HS3ST2: variants seen among roughly 807,000 people sequenced by gnomAD.
The protein encoded by HS3ST2 is heparan sulfate-glucosamine 3-sulfotransferase 2.
HS3ST2 carries 17 observed loss-of-function variants against 26.3 expected under a neutral mutation model. The observed-to-expected ratio is 0.65, with a 90% CI of 0.44 to 0.97. The LOEUF (loss-of-function observed/expected upper bound fraction) is 0.97, where lower values mean the gene tolerates loss of function less well. Among genes scored for constraint, HS3ST2 ranks in the 50% least tolerant of loss-of-function variants. HS3ST2 has a pLI of 0.00. For missense variants in HS3ST2, 402 were observed against 501.2 expected (o/e 0.80, Z 1.89); for synonymous variants, 237 against 219.2 (o/e 1.08, Z -0.72).
intron 1 of HS3ST2, among the ~76,000 whole-genome samples, chr16:22,830,609 A>T (rs917097132): frequency 4.6e-5 from 7 of 152,152 alleles, no homozygotes; most frequent in Admixed American, 4.6e-4. Flanking sequence ...GTTTGTTGGG[A>T]TTGGTTCTAA....
intron 1 of HS3ST2, among the ~76,000 whole-genome samples, chr16:22,859,728 A>G (rs1454785642): frequency 2.6e-5 from 4 of 152,222 alleles, no homozygotes; most frequent in Admixed American, 2.0e-4. Flanking sequence ...TTTATAGCTG[A>G]GTGAAACCTA....
At chr16:22,843,792 T>G (rs1260125092) in intron 1 of HS3ST2, among the ~76,000 whole-genome samples, 2 of 152,186 alleles carry the variant, frequency 1.3e-5, no homozygotes, top group Non-Finnish European at 2.9e-5. Context: ...GATGTCAGCA[T>G]TCCTTTCTCC....
chr16:22,856,705 A>G (rs1383820418), intron 1 of HS3ST2, among the ~76,000 whole-genome samples: 1 of 152,122 alleles, frequency 6.6e-6, no homozygotes, highest in Non-Finnish European at 1.5e-5. Flanking sequence ...GCTTCCATTC[A>G]GTAGCTGATG....
chr16:22,864,925 C>A (rs968803011), intron 1 of HS3ST2, among the ~76,000 whole-genome samples: 1 of 143,710 alleles, frequency 7.0e-6, no homozygotes, highest in African/African-American at 2.7e-5. Flanking sequence ...GTGGTACACA[C>A]CTGTAGTCCC....
chr16:22,912,747 A>T (rs962200815), intron 1 of HS3ST2, among the ~76,000 whole-genome samples: 1 of 152,118 alleles, frequency 6.6e-6, no homozygotes, highest in African/African-American at 2.4e-5. Context: ...TTACCACCCT[A>T]CAAAAAGGGT....
At chr16:22,889,387 C>A (rs1225550449) in intron 1 of HS3ST2, among the ~76,000 whole-genome samples, 2 of 152,146 alleles carry the variant, frequency 1.3e-5, no homozygotes, top group Non-Finnish European at 2.9e-5. Flanking sequence ...TTCACTGAAG[C>A]CTCACAAAAG....
At chr16:22,900,044 AC>A (rs1316655020) in intron 1 of HS3ST2, among the ~76,000 whole-genome samples, 1 of 152,144 alleles carries the variant, frequency 6.6e-6, no homozygotes, top group African/African-American at 2.4e-5. Flanking sequence ...TGCTCCTGGC[AC>A]CCAGTGTTGC....
At chr16:22,821,550 C>T (rs546941070) in intron 1 of HS3ST2, among the ~76,000 whole-genome samples, 67 of 152,024 alleles carry the variant, frequency 4.4e-4, no homozygotes, top group African/African-American at 1.5e-3. Context: ...GGAAGTGGGG[C>T]TTTGCGGGGT....
chr16:22,865,329 C>T (rs1901736123), intron 1 of HS3ST2, among the ~76,000 whole-genome samples: 1 of 151,868 alleles, frequency 6.6e-6, no homozygotes, highest in South Asian at 2.1e-4. Flanking sequence ...CCGAGGAGGG[C>T]AGATCATGAG....
chr16:22,911,770 G>A (rs1003813414), intron 1 of HS3ST2, among the ~76,000 whole-genome samples: 3 of 152,162 alleles, frequency 2.0e-5, no homozygotes, highest in African/African-American at 7.2e-5. Flanking sequence ...GATCTCATAT[G>A]CAAGTCCTTA....
Position 22,836,801 on chromosome 16 carries a change from G to A in HS3ST2, c.485+21706G>A, listed in dbSNP as rs138286150. Among the ~76,000 whole-genome samples, 246 of 151,980 alleles carry A rather than the reference G, an allele frequency of 1.6e-3. 1 individual carries two copies. The highest frequency in any genetic ancestry group is 6.8e-3 in the Middle Eastern group (2 of 294). On this transcript the variant is annotated intron_variant, in intron 1 of 1. Transcript: ENST00000261374. Reference sequence around the variant, plus strand: ...TGGGATCACAGGCATGCATCACCACGCCTGGCTAAATTTTTTTTGTTATTT... The same window carrying A: ...TGGGATCACAGGCATGCATCACCACACCTGGCTAAATTTTTTTTGTTATTT...
chr16:22,856,833 T>A (rs890736189), intron 1 of HS3ST2, among the ~76,000 whole-genome samples: 1 of 152,216 alleles, frequency 6.6e-6, no homozygotes, highest in Non-Finnish European at 1.5e-5. Context: ...GCATGTCACA[T>A]CACTTCTCTG....
intron 1 of HS3ST2, among the ~76,000 whole-genome samples, chr16:22,855,696 G>GTC (rs3078722): frequency 0.045 from 6,429 of 142,798 alleles, 230 homozygotes; most frequent in African/African-American, 0.098. Flanking sequence ...CTGTCTCTCT[G>GTC]TCTCTCTCTC....
intron 1 of HS3ST2, among the ~76,000 whole-genome samples, chr16:22,849,823 C>T (rs151282489): frequency 4.9e-4 from 75 of 152,294 alleles, no homozygotes; most frequent in Admixed American, 8.5e-4. Flanking sequence ...CTCACAGCAC[C>T]TAATTCAGCC....
intron 1 of HS3ST2, among the ~76,000 whole-genome samples, chr16:22,878,719 T>C (rs991997829): frequency 6.6e-6 from 1 of 151,944 alleles, no homozygotes; most frequent in African/African-American, 2.4e-5. Context: ...GGTGTTCCAA[T>C]TTTAGACAGG....
rs78773624 is a variant in HS3ST2 at position 22,866,175 on chromosome 16, G to C, written c.486-48769G>C. On this transcript the variant is annotated intron_variant, in intron 1 of 1. Transcript: ENST00000261374. ...CAAGACAAGGAAAAAGAAAAAAATAGACTCAAATCTTGAAGAGAAGTCATT... is the reference window on the plus strand; with the variant it reads ...CAAGACAAGGAAAAAGAAAAAAATACACTCAAATCTTGAAGAGAAGTCATT... 8.6e-5 allele frequency among the ~76,000 whole-genome samples: 13 copies of C among 151,302 alleles called. No homozygotes were observed. In the East Asian group the frequency reaches 2.6e-3, roughly 31 times the overall value.
At chr16:22,815,937 C>T (rs1325203643) in intron 1 of HS3ST2, among the ~76,000 whole-genome samples, 17 of 152,184 alleles carry the variant, frequency 1.1e-4, no homozygotes, top group Non-Finnish European at 2.9e-5. Context: ...GTGGGCCCTG[C>T]GGGTGAAGGC....
chr16:22,873,790 G>C (rs1901870640), intron 1 of HS3ST2, among the ~76,000 whole-genome samples: 1 of 152,202 alleles, frequency 6.6e-6, no homozygotes, highest in East Asian at 1.9e-4. Context: ...TCTAGACTGA[G>C]CCTGGTCTAG....
chr16:22,821,339 T>C lies in HS3ST2; in HGVS notation c.485+6244T>C, dbSNP rs1360749450. ...TGCTATTACCTGCATGCTTTGGTAA[T>C]GCTTTGGTAATATTCTGTGTATCTG... On this transcript the variant is annotated intron_variant, in intron 1 of 1. Transcript: ENST00000261374. 2.0e-5 allele frequency among the ~76,000 whole-genome samples: 3 copies of C among 151,308 alleles called. No homozygotes were observed. In the East Asian group the frequency reaches 5.8e-4, roughly 29 times the overall value.
Sources: allele counts gnomAD v4.1 joint callset (sites outside exome capture counted in the v4.1 genomes callset), GRCh38; gene constraint gnomAD v4.1.1; transcripts MANE v1.5; gene names NCBI Gene and HGNC (gene_info 2026-07-23, HGNC 2026-07-21).